Variants in UBE2E2 observed in about 807,000 individuals in gnomAD.
UBE2E2 encodes the protein ubiquitin conjugating enzyme E2 E2, also known as ubiquitin-conjugating enzyme E2 E2.
In UBE2E2, 6 loss-of-function variants were observed where a neutral mutation model predicts 24.7. The observed-to-expected ratio is 0.24, with a 90% CI of 0.13 to 0.48. The LOEUF (loss-of-function observed/expected upper bound fraction) is 0.48, where lower values mean the gene tolerates loss of function less well. Among genes scored for constraint, UBE2E2 ranks in the 20% least tolerant of loss-of-function variants. The pLI, the probability that UBE2E2 is intolerant of heterozygous loss-of-function variation, is 0.99. For missense variants in UBE2E2, 169 were observed against 245.0 expected (o/e 0.69, Z 2.07); for synonymous variants, 104 against 83.6 (o/e 1.24, Z -1.33).
intron 5 of UBE2E2, among the ~76,000 whole-genome samples, chr3:23,538,011 A>G (rs963046493): frequency 2.6e-5 from 4 of 152,296 alleles, no homozygotes; most frequent in East Asian, 3.9e-4. Context: ...GTCTCATTCT[A>G]CTATACTTGA....
chr3:23,585,094 T>C (rs1696587480), intron 5 of UBE2E2, among the ~76,000 whole-genome samples: 1 of 152,132 alleles, frequency 6.6e-6, no homozygotes, highest in South Asian at 2.1e-4. Flanking sequence ...GCCATGATGC[T>C]GGCTTGGAGC....
intron 3 of UBE2E2, among the ~76,000 whole-genome samples, chr3:23,383,355 G>T (rs572606537): frequency 1.3e-5 from 2 of 152,254 alleles, no homozygotes; most frequent in South Asian, 4.1e-4. Flanking sequence ...TCTGGCTTGG[G>T]AATATAGATT....
chr3:23,463,700 A>T (rs937983662), intron 3 of UBE2E2, among the ~76,000 whole-genome samples: 2 of 152,142 alleles, frequency 1.3e-5, no homozygotes, highest in Non-Finnish European at 2.9e-5. Flanking sequence ...CATAAAGTGT[A>T]TTATTTCTCC....
At chr3:23,323,153 T>C (rs1694790436) in intron 3 of UBE2E2, among the ~76,000 whole-genome samples, 1 of 152,172 alleles carries the variant, frequency 6.6e-6, no homozygotes. Flanking sequence ...AAGCTGTCTA[T>C]ATGTTATTAT....
At chr3:23,223,365 G>A (rs1232523827) in intron 3 of UBE2E2, among the ~76,000 whole-genome samples, 3 of 151,902 alleles carry the variant, frequency 2.0e-5, no homozygotes, top group Non-Finnish European at 4.4e-5. Context: ...GCTAATTTTT[G>A]TATTTTGAGT....
chr3:23,486,437 G>A (rs1386592912), intron 3 of UBE2E2, among the ~76,000 whole-genome samples: 3 of 152,154 alleles, frequency 2.0e-5, no homozygotes, highest in Admixed American at 1.3e-4. Context: ...GAAGGCTGCA[G>A]CTCTTCTTTC....
At chr3:23,310,239 C>T (rs939067541) in intron 3 of UBE2E2, among the ~76,000 whole-genome samples, 6 of 150,176 alleles carry the variant, frequency 4.0e-5, no homozygotes, top group Non-Finnish European at 7.4e-5. Flanking sequence ...TTAGAGTTAC[C>T]AATTAAGTAC....
intron 3 of UBE2E2, among the ~76,000 whole-genome samples, chr3:23,412,206 T>A (rs1697510893): frequency 6.6e-6 from 1 of 152,168 alleles, no homozygotes; most frequent in Admixed American, 6.6e-5. Context: ...TAGACCATAG[T>A]CGATGAAATG....
chr3:23,420,040 C>T (rs1426771790), intron 3 of UBE2E2, among the ~76,000 whole-genome samples: 1 of 152,114 alleles, frequency 6.6e-6, no homozygotes, highest in Non-Finnish European at 1.5e-5. Flanking sequence ...TATATTTAGG[C>T]GTTTGAATGG....
intron 5 of UBE2E2, among the ~76,000 whole-genome samples, chr3:23,538,093 CTG>C (rs542210030): frequency 1.8e-3 from 268 of 152,030 alleles, no homozygotes; most frequent in Non-Finnish European, 2.9e-3. Flanking sequence ...TCAAAGCAGA[CTG>C]TTTTAGCAGG....
intron 3 of UBE2E2, among the ~76,000 whole-genome samples, chr3:23,392,549 G>A (rs965181371): frequency 2.6e-5 from 4 of 152,036 alleles, no homozygotes; most frequent in African/African-American, 9.7e-5. Flanking sequence ...GATATTAAGA[G>A]CATCTACCTT....
chr3:23,555,230 A>G (rs1456306323), intron 5 of UBE2E2, among the ~76,000 whole-genome samples: 1 of 152,136 alleles, frequency 6.6e-6, no homozygotes, highest in African/African-American at 2.4e-5. Flanking sequence ...CTGAATAGAC[A>G]TTTATCCAAA....
chr3:23,421,156 G>C (rs1442222686), intron 3 of UBE2E2, among the ~76,000 whole-genome samples: 1 of 152,212 alleles, frequency 6.6e-6, no homozygotes, highest in African/African-American at 2.4e-5. Flanking sequence ...CTTTCAGCTT[G>C]AAGGTCAGCT....
chr3:23,477,434 T>A (rs1474789969), intron 3 of UBE2E2, among the ~76,000 whole-genome samples: 1 of 152,212 alleles, frequency 6.6e-6, no homozygotes, highest in Non-Finnish European at 1.5e-5. Context: ...TACCATTATT[T>A]CTCACAATCA....
At chr3:23,261,642 C>T (rs1697904561) in intron 3 of UBE2E2, among the ~76,000 whole-genome samples, 1 of 152,096 alleles carries the variant, frequency 6.6e-6, no homozygotes, top group Non-Finnish European at 1.5e-5. Context: ...ACCTTTAGCT[C>T]TGGTAACCAC....
intron 4 of UBE2E2, among the ~76,000 whole-genome samples, chr3:23,528,928 T>C (rs1339416855): frequency 6.6e-6 from 1 of 152,248 alleles, no homozygotes; most frequent in Non-Finnish European, 1.5e-5. Flanking sequence ...ATCTGCCTAT[T>C]CTACCACATC....
In UBE2E2 at chr3:23,407,111, A is replaced by G. The variant is rs1404572350; in HGVS notation, c.228-92497A>G. ...TTTTCTTCAGCTTCACATGTTGAAG[A>G]TATTCTCCAAAGATGTCATCAAGAA... is the stretch of plus-strand genomic sequence containing the variant. On this transcript the variant is annotated intron_variant, in intron 3 of 5. Coordinates refer to ENST00000396703, the MANE Select transcript of UBE2E2 (RefSeq NM_152653.4). This position sits in a 1 kb window ranked among gnomAD's most constrained non-coding sequence, Gnocchi z 4.0. Among the ~76,000 whole-genome samples, 2 of 152,114 alleles carry G rather than the reference A, an allele frequency of 1.3e-5. No homozygotes were observed. Among genetic ancestry groups the G allele is most frequent in the Non-Finnish European group, 2.9e-5 (2 of 68,034 alleles).
At chr3:23,461,430 G>A (rs570707972) in intron 3 of UBE2E2, among the ~76,000 whole-genome samples, 6 of 151,520 alleles carry the variant, frequency 4.0e-5, no homozygotes, top group Non-Finnish European at 7.4e-5. Context: ...TGTGGTAGAG[G>A]AATCCTATTC....
rs546775765 is a variant in UBE2E2, at chr3:23,581,448, A to T, written c.509-8286A>T. ...AGAGAATGTCTTTAAGAAGACAATC[A>T]GGTATATATTCTTAAAAGATGCACA... On this transcript the variant is annotated intron_variant, in intron 5 of 5. Transcript: ENST00000396703. Among the ~76,000 whole-genome samples, 18 of 152,334 alleles carry T rather than the reference A, an allele frequency of 1.2e-4. 1 individual carries two copies. The South Asian group carries it at 3.7e-3, about 32-fold the overall frequency.
Sources: allele counts gnomAD v4.1 joint callset (sites outside exome capture counted in the v4.1 genomes callset), GRCh38; gene constraint gnomAD v4.1.1; non-coding constraint Gnocchi (gnomAD v3.1); transcripts MANE v1.5; gene names NCBI Gene and HGNC (gene_info 2026-07-23, HGNC 2026-07-21).